Variants in GPHN observed in about 807,000 individuals in gnomAD.
GPHN encodes the protein gephyrin.
In GPHN, 17 loss-of-function variants were observed where a neutral mutation model predicts 95.5. The ratio of observed to expected loss-of-function variants is 0.18; its 90% CI spans 0.12 to 0.27. The LOEUF is 0.27. Ranked by LOEUF, GPHN falls within the 10% of genes least tolerant of loss-of-function variation. The probability of loss-of-function intolerance (pLI) is 1.00; values close to 1 mark genes in which losing one functional copy is unlikely to be tolerated. For missense variants in GPHN, 660 were observed against 978.1 expected (o/e 0.67, Z 4.34); for synonymous variants, 320 against 322.5 (o/e 0.99, Z 0.08).
chr14:67,642,496 CAGCA>C, the GPHN span: 1 of 1,062,244 alleles, frequency 9.4e-7, no homozygotes, highest in East Asian at 2.6e-5. Flanking sequence ...TTAAAATGAA[CAGCA>C]AGCATTTAAA....
At chr14:67,579,695 G>A in the GPHN span, 3 of 1,608,018 alleles carry the variant, frequency 1.9e-6, no homozygotes, top group Non-Finnish European at 2.5e-6. Flanking sequence ...GGTTCACTCA[G>A]GGTTGGAACT....
Position 67,061,412 on chromosome 14 carries a change from C to A in GPHN, c.1144+2626C>A, listed in dbSNP as rs114756066. Among the ~76,000 whole-genome samples the A allele has an allele frequency of 3.0e-3, 454 of 152,184 alleles. 3 individuals carry two copies. The highest frequency in any genetic ancestry group is 0.011 in the African/African-American group (436 of 41,522). On this transcript the variant is annotated intron_variant, in intron 11 of 22. Coordinates refer to ENST00000478722, the MANE Select transcript of GPHN (RefSeq NM_020806.5). ...CCCCCCAGTTAACATCTTCCCAATCCGTTCTCCAATTTGATGCCAAAGTAA... is the reference window on the plus strand; with the variant it reads ...CCCCCCAGTTAACATCTTCCCAATCAGTTCTCCAATTTGATGCCAAAGTAA...
chr14:67,619,158 A>C, the GPHN span, among the ~76,000 whole-genome samples: 9 of 152,184 alleles, frequency 5.9e-5, no homozygotes, highest in African/African-American at 2.2e-4. Context: ...TGGAATGCTG[A>C]GATTATTAAA....
chr14:67,225,968 C>T, the GPHN span, among the ~76,000 whole-genome samples: 2,283 of 78,530 alleles, frequency 0.029, 30 homozygotes, highest in Non-Finnish European at 0.04. Flanking sequence ...TGTGTGCGCG[C>T]GCGCGCGTGC....
At chr14:66,671,955 A>G (rs2066325658) in intron 1 of GPHN, among the ~76,000 whole-genome samples, 1 of 151,922 alleles carries the variant, frequency 6.6e-6, no homozygotes, top group African/African-American at 2.4e-5. Context: ...TTTCTGCTCA[A>G]ATTTTTGTTA....
rs566619007 is a variant in GPHN at position 67,131,202 on chromosome 14, CT to C, written c.1748+8836del. ...GCACATATATTTTTCTCTGTTACTG[CT>C]TTTTTTTTTTCTTTTTTCTCAGTTT... On this transcript the variant is annotated intron_variant, in intron 17 of 22. Transcript: ENST00000478722. Among the ~76,000 whole-genome samples the C allele has an allele frequency of 9.4e-3, 1,365 of 145,666 alleles. 10 individuals are homozygous for C. Among genetic ancestry groups the C allele is most frequent in the African/African-American group, 0.03 (1,185 of 39,974 alleles).
At chr14:67,557,147 G>T in the GPHN span, 1 of 708,012 alleles carries the variant, frequency 1.4e-6, no homozygotes, top group South Asian at 1.9e-5. Context: ...ACTGCCCTGG[G>T]TAAGGGCTGT....
intron 9 of GPHN, among the ~76,000 whole-genome samples, chr14:67,019,516 C>T (rs2073490060): frequency 6.6e-6 from 1 of 152,144 alleles, no homozygotes; most frequent in South Asian, 2.1e-4. Flanking sequence ...GCAAAATAGG[C>T]AATTTTTTGA....
At chr14:67,342,063 C>T in the GPHN span, among the ~76,000 whole-genome samples, 2 of 152,042 alleles carry the variant, frequency 1.3e-5, no homozygotes, top group South Asian at 2.1e-4. Flanking sequence ...TCTGCAGGGT[C>T]CTCTGCCTAG....
chr14:67,573,249 CTTCATCTA>C, the GPHN span: 1 of 1,440,402 alleles, frequency 6.9e-7, no homozygotes, highest in South Asian at 1.1e-5. This position sits in a 1 kb window ranked among gnomAD's most constrained non-coding sequence, Gnocchi z 4.8. Flanking sequence ...TTTCCCCTTT[CTTCATCTA>C]CACCCTTCCA....
the GPHN span, chr14:67,589,440 A>G: frequency 3.0e-6 from 3 of 985,250 alleles, no homozygotes; most frequent in Admixed American, 1.8e-4. Context: ...ATAAAAAAAA[A>G]TGCTGAGTAA....
At chr14:67,390,804 G>A in the GPHN span, 2 of 1,186,396 alleles carry the variant, frequency 1.7e-6, no homozygotes, top group African/African-American at 1.5e-5. Context: ...CCTCTCTCCT[G>A]TATCTATGCA....
intron 2 of GPHN, among the ~76,000 whole-genome samples, chr14:66,707,052 G>GA (rs61279772): frequency 4.7e-3 from 527 of 111,214 alleles, no homozygotes; most frequent in East Asian, 0.021. Context: ...ACAAACATTT[G>GA]AAAAAAAAAA....
chr14:66,697,354 G>A (rs961070643), intron 2 of GPHN, among the ~76,000 whole-genome samples: 2 of 152,166 alleles, frequency 1.3e-5, no homozygotes, highest in African/African-American at 2.4e-5. Context: ...CAGGTTTTGT[G>A]AACTTCTGTA....
At chr14:67,615,509 C>A in the GPHN span, 1 of 412,216 alleles carries the variant, frequency 2.4e-6, no homozygotes, top group Non-Finnish European at 4.7e-6. Context: ...CTTAAAAAGC[C>A]AAGAGGCAAA....
intron 1 of GPHN, among the ~76,000 whole-genome samples, chr14:66,577,087 A>G (rs1162397707): frequency 1.3e-5 from 2 of 152,142 alleles, no homozygotes; most frequent in African/African-American, 4.8e-5. Flanking sequence ...ATTGCCTAGG[A>G]ATCTTGTTGA....
At chr14:67,507,701 C>A in the GPHN span, among the ~76,000 whole-genome samples, 1 of 152,134 alleles carries the variant, frequency 6.6e-6, no homozygotes, top group Non-Finnish European at 1.5e-5. Context: ...TCCCAAAGTG[C>A]TAGGATTACA....
At chr14:66,829,046 A>G (rs2061484925) in intron 4 of GPHN, among the ~76,000 whole-genome samples, 1 of 149,750 alleles carries the variant, frequency 6.7e-6, no homozygotes, top group Admixed American at 6.6e-5. Flanking sequence ...TTTTGTCTTG[A>G]TAATAAAAAC....
chr14:66,671,793 A>G (rs568883803), intron 1 of GPHN, among the ~76,000 whole-genome samples: 8 of 152,218 alleles, frequency 5.3e-5, no homozygotes, highest in South Asian at 2.1e-4. Context: ...TTTAATGTCT[A>G]TGACATCTGC....
Sources: gnomAD v4.1 joint callset for allele counts (sites outside exome capture counted in the v4.1 genomes callset) on GRCh38, gnomAD v4.1.1 for gene constraint, Gnocchi (gnomAD v3.1) non-coding constraint, MANE v1.5 for transcripts, NCBI Gene and HGNC (gene_info 2026-07-23, HGNC 2026-07-21) for gene names.